Variants in TNNI3K observed in about 807,000 individuals in gnomAD.
The protein encoded by TNNI3K is TNNI3 interacting kinase, also known as serine/threonine-protein kinase TNNI3K.
In TNNI3K, 140 loss-of-function variants were observed where a neutral mutation model predicts 114.5. The observed-to-expected ratio is 1.22, with a 90% confidence interval of 1.07 to 1.41. TNNI3K has a LOEUF of 1.41. Among genes scored for constraint, TNNI3K ranks in the 40% most tolerant of loss-of-function variants. The pLI is 0.00. For synonymous variants in TNNI3K, 347 were observed against 347.5 expected (o/e 1.00, Z 0.02); for missense variants, 1,125 against 1,007.6 (o/e 1.12, Z -1.58).
Position 74,242,961 on chromosome 1 carries a change from C to T in TNNI3K, c.150-6498C>T, listed in dbSNP as rs558622616. 3.3e-5 allele frequency among the ~76,000 whole-genome samples: 5 copies of T among 152,102 alleles called. No homozygotes were observed. In the East Asian group the frequency reaches 7.7e-4, roughly 23 times the overall value. On this transcript the variant is annotated intron_variant, in intron 2 of 24. Coordinates refer to ENST00000326637, the MANE Select transcript of TNNI3K (RefSeq NM_015978.3). Reference sequence around the variant, plus strand: ...TTACCCTTCATCTCTTCTTCTTTTCCATCCTGTACCTCCATGATTCCTTCT... The same window carrying T: ...TTACCCTTCATCTCTTCTTCTTTTCTATCCTGTACCTCCATGATTCCTTCT...
intron 21 of TNNI3K, among the ~76,000 whole-genome samples, chr1:74,473,820 T>C (rs1668056116): frequency 6.6e-6 from 1 of 152,160 alleles, no homozygotes; most frequent in Admixed American, 6.6e-5. Flanking sequence ...GTAGCCTTTG[T>C]CAGAGTCTCA....
At chr1:74,522,511 G>A (rs759845469) in intron 23 of TNNI3K, among the ~76,000 whole-genome samples, 3 of 152,062 alleles carry the variant, frequency 2.0e-5, no homozygotes, top group East Asian at 1.9e-4. Context: ...TTCTCCCCAC[G>A]CAGTATAGAA....
intron 6 of TNNI3K, among the ~76,000 whole-genome samples, chr1:74,332,009 A>T (rs949313852): frequency 6.6e-6 from 1 of 152,212 alleles, no homozygotes; most frequent in Non-Finnish European, 1.5e-5. Flanking sequence ...AAAACAACTC[A>T]TAAAGGCTCT....
At chr1:74,253,594 C>T (rs1655088051) in intron 4 of TNNI3K, among the ~76,000 whole-genome samples, 1 of 152,158 alleles carries the variant, frequency 6.6e-6, no homozygotes, top group Non-Finnish European at 1.5e-5. Flanking sequence ...GGTGCTAATC[C>T]CCTCACTGCC....
chr1:74,353,456 A>G (rs1241379211), intron 10 of TNNI3K, 96 bp downstream of exon 10: 3 of 1,306,586 alleles, frequency 2.3e-6, no homozygotes, highest in Admixed American at 2.3e-5. Flanking sequence ...GGAGTGCTCA[A>G]CTCCAGTGGG....
At chr1:74,354,347 A>T (rs144104265) in intron 11 of TNNI3K, among the ~76,000 whole-genome samples, 1 of 152,318 alleles carries the variant, frequency 6.6e-6, no homozygotes, top group Admixed American at 6.5e-5. Flanking sequence ...CATTCTCAGT[A>T]TTGGCACTTT....
chr1:74,238,725 T>A (rs1369583742), intron 2 of TNNI3K, among the ~76,000 whole-genome samples: 1 of 152,016 alleles, frequency 6.6e-6, no homozygotes, highest in African/African-American at 2.4e-5. Context: ...TGGTGAGACA[T>A]TTTTGGAGAG....
intron 5 of TNNI3K, among the ~76,000 whole-genome samples, chr1:74,315,086 G>A (rs1313192863): frequency 6.6e-6 from 1 of 152,102 alleles, no homozygotes; most frequent in African/African-American, 2.4e-5. Context: ...TTTGTTACGT[G>A]AATGCTGCAT....
intron 17 of TNNI3K, among the ~76,000 whole-genome samples, chr1:74,384,314 C>T (rs766864875): frequency 1.3e-5 from 2 of 152,020 alleles, no homozygotes; most frequent in Non-Finnish European, 2.9e-5. Context: ...TAAAGCCTGC[C>T]TATAAAAAAC....
intron 20 of TNNI3K, among the ~76,000 whole-genome samples, chr1:74,443,033 G>A (rs1197261205): frequency 2.6e-5 from 4 of 152,120 alleles, no homozygotes. Flanking sequence ...TAAATTTATA[G>A]CACTAAATGC....
chr1:74,281,659 G>T (rs1657023751), intron 5 of TNNI3K, among the ~76,000 whole-genome samples: 1 of 151,594 alleles, frequency 6.6e-6, no homozygotes, highest in African/African-American at 2.4e-5. Context: ...TTATTCCCAG[G>T]TATTTTATCT....
At position 74,330,678 on chromosome 1, in the gene TNNI3K, G is replaced by A. The variant is rs1427296758; in HGVS notation, c.445-772G>A. ...CCTTTTTGTCAGTCTAATTTATATG[G>A]CCTCAGCCAATAAACCTAAAATGGA... is the stretch of plus-strand genomic sequence containing the variant. On this transcript the variant is annotated intron_variant, in intron 5 of 24. Transcript: ENST00000326637. Among the ~76,000 whole-genome samples, 17 of 151,860 alleles carry A rather than the reference G, an allele frequency of 1.1e-4. No individual in the cohort carries two copies. In the South Asian group the frequency reaches 3.5e-3, roughly 32 times the overall value.
intron 3 of TNNI3K, among the ~76,000 whole-genome samples, chr1:74,250,447 A>G (rs997078370): frequency 1.3e-5 from 2 of 152,254 alleles, no homozygotes; most frequent in East Asian, 1.9e-4. Flanking sequence ...TAAAAAATCT[A>G]AGACAGAGTC....
Position 74,480,271 on chromosome 1 carries a change from C to T in TNNI3K, c.2122-8918C>T, listed in dbSNP as rs1391507185. ...AATCACAGTTGGTCTCAGACAGCCT[C>T]AGCACACTCTGTGCAGCTGCCACAG... On this transcript the variant is annotated intron_variant, in intron 21 of 24. Coordinates refer to ENST00000326637, the MANE Select transcript of TNNI3K (RefSeq NM_015978.3). The T allele has an allele frequency of 5.6e-6, 4 of 717,450 alleles. No homozygotes were observed. The Admixed American group carries it at 6.0e-5, about 11-fold the overall frequency. The allele number at this position is 717,450 out of a possible 1,614,324, so 44.4% of individuals were successfully genotyped here. A position where few individuals can be genotyped will look rare whatever the true frequency, so the allele number is the denominator to read the frequency against.
intron 23 of TNNI3K, among the ~76,000 whole-genome samples, chr1:74,523,212 A>G (rs948714672): frequency 6.6e-6 from 1 of 152,222 alleles, no homozygotes; most frequent in African/African-American, 2.4e-5. Flanking sequence ...GGAAGATTAA[A>G]TAAGGAATTG....
intron 21 of TNNI3K, chr1:74,480,700 G>A: frequency 1.4e-6 from 1 of 717,432 alleles, no homozygotes. Flanking sequence ...GTAGGGTGCG[G>A]AGAGCATTAT....
rs765632973 is a variant in TNNI3K, at chr1:74,271,743, G to T, written c.444+35G>T. 2.0e-6 allele frequency: 3 copies of T among 1,535,474 alleles called. No individual in the cohort carries two copies. The South Asian group carries it at 3.6e-5, about 18-fold the overall frequency. ...GCCTTTGGCACCTGTGAAAACAAAG[G>T]TTATTTACCTTTTCGGTTGTTGTTC... On this transcript the variant is annotated intron_variant, in intron 5 of 24. Coordinates refer to ENST00000326637, the MANE Select transcript of TNNI3K (RefSeq NM_015978.3).
intron 20 of TNNI3K, among the ~76,000 whole-genome samples, chr1:74,450,756 G>A (rs1666954857): frequency 6.6e-6 from 1 of 152,124 alleles, no homozygotes; most frequent in African/African-American, 2.4e-5. Context: ...AACAGATACT[G>A]GCAAGGCTGT....
intron 23 of TNNI3K, among the ~76,000 whole-genome samples, chr1:74,507,938 C>T (rs1382592681): frequency 1.3e-5 from 2 of 152,108 alleles, no homozygotes; most frequent in African/African-American, 4.8e-5. Context: ...TGGGAGTTTG[C>T]CAGGAACCAA....
Sources: gnomAD v4.1 joint callset for allele counts (sites outside exome capture counted in the v4.1 genomes callset) on GRCh38, gnomAD v4.1.1 for gene constraint, MANE v1.5 for transcripts, NCBI Gene and HGNC (gene_info 2026-07-23, HGNC 2026-07-21) for gene names.